The following CSMD1 variants were observed in gnomAD, a reference collection of about 807,000 sequenced individuals.
CSMD1 encodes CUB and sushi domain-containing protein 1.
Under a neutral mutation model 417.5 loss-of-function variants are expected in CSMD1, and 213 were observed. The observed-to-expected ratio is 0.51, with a 90% CI of 0.46 to 0.57. CSMD1 has a LOEUF of 0.57. Ranked by LOEUF, CSMD1 falls within the 20% of genes least tolerant of loss-of-function variation. CSMD1 has a pLI of 0.00. For missense variants in CSMD1, 6,923 were observed against 4,529.7 expected, an observed-to-expected ratio of 1.53 and a Z score of -15.17; for synonymous variants, 2,862 against 1,736.8, an observed-to-expected ratio of 1.65 and a Z score of -16.11.
At chr8:4,589,843 C>G (rs2724986) in intron 2 of CSMD1, among the ~76,000 whole-genome samples, 1 of 151,904 alleles carries the variant, frequency 6.6e-6, no homozygotes, top group Non-Finnish European at 1.5e-5. Flanking sequence ...TGGAATGCAG[C>G]GTATTAATAA....
At chr8:4,899,502 C>A (rs1472657852) in intron 1 of CSMD1, among the ~76,000 whole-genome samples, 1 of 152,138 alleles carries the variant, frequency 6.6e-6, no homozygotes, top group Non-Finnish European at 1.5e-5. Flanking sequence ...TATGTTAGAT[C>A]TCATTGTCTC....
At chr8:3,213,397 T>C (rs181775199) in intron 30 of CSMD1, among the ~76,000 whole-genome samples, 13 of 152,236 alleles carry the variant, frequency 8.5e-5, no homozygotes, top group African/African-American at 2.9e-4. Flanking sequence ...GAGACCCCCA[T>C]GAAACCACCA....
At chr8:3,643,954 T>G (rs1477050493) in intron 7 of CSMD1, among the ~76,000 whole-genome samples, 1 of 152,172 alleles carries the variant, frequency 6.6e-6, no homozygotes, top group Non-Finnish European at 1.5e-5. Flanking sequence ...TGAAATGTGG[T>G]AGATAGGACA....
In CSMD1 at chr8:3,018,438, A is replaced by G. The variant is rs757033413; in HGVS notation, c.8029+39T>C. On this transcript the variant is annotated intron_variant, in intron 52 of 69. Transcript: ENST00000635120. ...CAGCTGTAATCTATTTCTAAGGTTT[A>G]TCTGCATTAAGTAAGTGCCAGAACA... is the stretch of plus-strand genomic sequence containing the variant. 8 of 1,588,824 alleles carry G rather than the reference A, an allele frequency of 5.0e-6. No homozygotes were observed. In the African/African-American group the frequency reaches 9.4e-5, roughly 19 times the overall value.
intron 2 of CSMD1, among the ~76,000 whole-genome samples, chr8:4,537,966 C>G (rs1797184125): frequency 6.6e-6 from 1 of 152,200 alleles, no homozygotes; most frequent in Non-Finnish European, 1.5e-5. Flanking sequence ...TTGCTTTTAA[C>G]AGCTGTACTC....
At chr8:2,966,048 C>T in intron 58 of CSMD1, 94 bp from the exon 59 acceptor site, 1 of 1,145,390 alleles carries the variant, frequency 8.7e-7, no homozygotes, top group South Asian at 1.4e-5. Flanking sequence ...CTCTGAGTTG[C>T]TATTCACAGT....
intron 9 of CSMD1, among the ~76,000 whole-genome samples, chr8:3,585,226 T>C (rs1242103201): frequency 1.3e-5 from 2 of 152,228 alleles, no homozygotes; most frequent in Non-Finnish European, 2.9e-5. Flanking sequence ...CTAGTTATTT[T>C]CACAGGCTGC....
intron 3 of CSMD1, among the ~76,000 whole-genome samples, chr8:4,357,960 G>C (rs545318883): frequency 7.9e-5 from 12 of 152,126 alleles, no homozygotes; most frequent in Non-Finnish European, 1.6e-4. Context: ...TGTAATGCCT[G>C]AATGAGACTC....
At chr8:3,665,106 T>C (rs923029113) in intron 7 of CSMD1, among the ~76,000 whole-genome samples, 3 of 152,298 alleles carry the variant, frequency 2.0e-5, no homozygotes, top group East Asian at 3.9e-4. Flanking sequence ...ACAATGCTTA[T>C]AATAAGAAAG....
intron 3 of CSMD1, among the ~76,000 whole-genome samples, chr8:4,399,092 T>C (rs987917644): frequency 6.6e-6 from 1 of 152,228 alleles, no homozygotes; most frequent in Non-Finnish European, 1.5e-5. Context: ...CTTTTAGCCA[T>C]GTAAATGCTT....
Position 3,507,059 on chromosome 8 carries a change from G to C in CSMD1, c.1345-13333C>G, listed in dbSNP as rs75587564. 9.5e-3 allele frequency among the ~76,000 whole-genome samples: 1,448 copies of C among 152,170 alleles called. 36 individuals are homozygous for C. Among genetic ancestry groups the C allele is most frequent in the African/African-American group, 0.033 (1,378 of 41,506 alleles). On this transcript the variant is annotated intron_variant, in intron 10 of 69. Coordinates refer to ENST00000635120, the MANE Select transcript of CSMD1 (RefSeq NM_033225.6). ...GTATATACCAAGTGCCTAACATAGAGCTTGGTGTCATGGTTACAGTTTTAC... is the reference window on the plus strand; with the variant it reads ...GTATATACCAAGTGCCTAACATAGACCTTGGTGTCATGGTTACAGTTTTAC...
chr8:4,839,175 A>C (rs540855925), intron 1 of CSMD1, among the ~76,000 whole-genome samples: 5 of 152,272 alleles, frequency 3.3e-5, no homozygotes, highest in African/African-American at 1.2e-4. Context: ...TCCCTTCATC[A>C]GGTTCCAAGA....
intron 8 of CSMD1, among the ~76,000 whole-genome samples, chr8:3,614,877 G>C (rs539878734): frequency 6.6e-6 from 1 of 152,168 alleles, no homozygotes; most frequent in Non-Finnish European, 1.5e-5. Flanking sequence ...ATGCACTGTT[G>C]TCAACTCTGA....
intron 49 of CSMD1, among the ~76,000 whole-genome samples, chr8:3,069,013 G>C (rs865780836): frequency 4.6e-5 from 7 of 152,112 alleles, no homozygotes; most frequent in East Asian, 3.9e-4. Context: ...CTGAGACAAG[G>C]AGAGACAAGG....
intron 3 of CSMD1, among the ~76,000 whole-genome samples, chr8:4,355,710 G>A (rs963198630): frequency 6.6e-6 from 1 of 152,176 alleles, no homozygotes; most frequent in Non-Finnish European, 1.5e-5. Flanking sequence ...TCCAAGTTAA[G>A]GGTCCAGCAA....
chr8:3,677,282 T>C lies in CSMD1; in HGVS notation c.1009+31132A>G, dbSNP rs115927506. ...GAAAATTTCTCTCCCAGGAAAGTTATGGTTCCAACTAATGATTGATGTAAC... is the reference window on the plus strand; with the variant it reads ...GAAAATTTCTCTCCCAGGAAAGTTACGGTTCCAACTAATGATTGATGTAAC... On this transcript the variant is annotated intron_variant, in intron 7 of 69. Coordinates refer to ENST00000635120, the MANE Select transcript of CSMD1 (RefSeq NM_033225.6). 8.1e-3 allele frequency among the ~76,000 whole-genome samples: 1,236 copies of C among 152,360 alleles called. 14 individuals are homozygous for C. The highest frequency in any genetic ancestry group is 0.028 in the African/African-American group (1,168 of 41,588).
chr8:4,019,308 A>T (rs1376599447), intron 4 of CSMD1, among the ~76,000 whole-genome samples: 3 of 152,100 alleles, frequency 2.0e-5, no homozygotes, highest in African/African-American at 7.2e-5. Flanking sequence ...ACAGGCTTGG[A>T]ATGTTTCTGT....
Position 3,095,299 on chromosome 8 carries a change from A to G in CSMD1, c.7138+1550T>C, listed in dbSNP as rs578258708. 7.2e-5 allele frequency among the ~76,000 whole-genome samples: 11 copies of G among 152,314 alleles called. No homozygotes were observed. In the South Asian group the frequency reaches 2.3e-3, roughly 32 times the overall value. ...GGATGCTCTACATTTTAATTTTTGC[A>G]TAATACCTAATAGGCCTCAAATAGA... On this transcript the variant is annotated intron_variant, in intron 47 of 69. Transcript: ENST00000635120.
intron 5 of CSMD1, among the ~76,000 whole-genome samples, chr8:3,844,027 T>A (rs888358349): frequency 7.2e-5 from 11 of 152,200 alleles, no homozygotes; most frequent in Non-Finnish European, 1.5e-4. Context: ...GTCATTGTTA[T>A]TACAATGGCA....
Sources: gnomAD v4.1 joint callset for allele counts (sites outside exome capture counted in the v4.1 genomes callset) on GRCh38, gnomAD v4.1.1 for gene constraint, MANE v1.5 for transcripts, NCBI Gene and HGNC (gene_info 2026-07-23, HGNC 2026-07-21) for gene names.